FRMD4A: variants seen among roughly 807,000 people sequenced by gnomAD.
The protein encoded by FRMD4A is FERM domain-containing protein 4A.
In FRMD4A, 29 loss-of-function variants were observed where a neutral mutation model predicts 129.1. The observed-to-expected ratio is 0.22, with a 90% CI of 0.17 to 0.31. The LOEUF (loss-of-function observed/expected upper bound fraction) is 0.31, where lower values mean the gene tolerates loss of function less well. Ranked by LOEUF, FRMD4A falls within the 10% of genes least tolerant of loss-of-function variation. The pLI is 1.00. For missense variants in FRMD4A, 1,272 were observed against 1,375.8 expected, an observed-to-expected ratio of 0.92 and a Z score of 1.19; for synonymous variants, 634 against 571.6, an observed-to-expected ratio of 1.11 and a Z score of -1.56.
chr10:14,021,999 A>T (rs1832780799), intron 2 of FRMD4A, among the ~76,000 whole-genome samples: 2 of 152,170 alleles, frequency 1.3e-5, no homozygotes, highest in Non-Finnish European at 2.9e-5. Context: ...TTTTACAATA[A>T]CAGTAAAAAT....
intron 12 of FRMD4A, among the ~76,000 whole-genome samples, chr10:13,735,021 G>A (rs2090553676): frequency 6.6e-6 from 1 of 152,136 alleles, no homozygotes; most frequent in African/African-American, 2.4e-5. Context: ...TTACAGGCAT[G>A]TGCCACCATG....
chr10:13,849,726 G>A (rs890909850), intron 3 of FRMD4A, among the ~76,000 whole-genome samples: 9 of 150,154 alleles, frequency 6.0e-5, no homozygotes, highest in African/African-American at 1.2e-4. Context: ...TGACCCACCC[G>A]CCTCGGCCTC....
At position 13,892,488 on chromosome 10, in the gene FRMD4A, ACT is replaced by A. The variant is rs1206107584; in HGVS notation, c.46-33578_46-33577del. Among the ~76,000 whole-genome samples, 3 of 152,234 alleles carry A rather than the reference ACT, an allele frequency of 2.0e-5. No individual in the cohort carries two copies. In the East Asian group the frequency reaches 5.8e-4, roughly 29 times the overall value. Reference sequence around the variant, plus strand: ...TTGTCTTTCCAAAAAAGAGAAACAAACTCTGGGAAGATTCCCCACCAAGAACA... The same window carrying A: ...TTGTCTTTCCAAAAAAGAGAAACAAACTGGGAAGATTCCCCACCAAGAACA... On this transcript the variant is annotated intron_variant, in intron 2 of 24. Transcript: ENST00000357447.
chr10:13,647,154 C>G (rs1241730312), intron 24 of FRMD4A, 119 bp from the exon 25 acceptor site: 1 of 158,190 alleles, frequency 6.3e-6, no homozygotes, highest in African/African-American at 2.4e-5. Flanking sequence ...AATCACGAGT[C>G]TTTCCTGTTC....
At chr10:13,940,215 T>C (rs928913164) in intron 2 of FRMD4A, among the ~76,000 whole-genome samples, 1 of 152,058 alleles carries the variant, frequency 6.6e-6, no homozygotes, top group Non-Finnish European at 1.5e-5. Flanking sequence ...CAGAGCAGCG[T>C]CAACTGAGGC....
At chr10:14,141,135 A>G (rs1839814049) in intron 2 of FRMD4A, among the ~76,000 whole-genome samples, 1 of 152,116 alleles carries the variant, frequency 6.6e-6, no homozygotes, top group African/African-American at 2.4e-5. Flanking sequence ...TCAGCGTCAG[A>G]GGCAGTAGCA....
Position 14,319,288 on chromosome 10 carries a change from C to T in FRMD4A, c.45+10770G>A, listed in dbSNP as rs912006674. On this transcript the variant is annotated intron_variant, in intron 2 of 24. Transcript: ENST00000357447. ...GTGTAACAAAATACTGAATTTTGTA[C>T]AAAAATTACAAAGTGTGGGATAGTT... Among the ~76,000 whole-genome samples, 55 of 150,056 alleles carry T rather than the reference C, an allele frequency of 3.7e-4. 1 individual carries two copies. The Admixed American group carries it at 3.7e-3, about 10-fold the overall frequency.
intron 2 of FRMD4A, among the ~76,000 whole-genome samples, chr10:14,153,748 G>C (rs1378878837): frequency 6.6e-6 from 1 of 152,168 alleles, no homozygotes; most frequent in Non-Finnish European, 1.5e-5. Context: ...CTGGCCAATC[G>C]CCTTTGGCAC....
At chr10:14,137,006 A>T (rs1304195237) in intron 2 of FRMD4A, among the ~76,000 whole-genome samples, 1 of 152,230 alleles carries the variant, frequency 6.6e-6, no homozygotes, top group African/African-American at 2.4e-5. Context: ...CATATCACTC[A>T]CCTGCTCCCC....
At position 13,714,059 on chromosome 10, in the gene FRMD4A, T is replaced by TAA. The variant is rs1554859104; in HGVS notation, c.760-6948_760-6947dup. ...ATATATATATATATATATATATATA[T>TAA]AAAATATACTTTTTTTTTGAGACAC... On this transcript the variant is annotated intron_variant, in intron 12 of 24. Coordinates refer to ENST00000357447, the MANE Select transcript of FRMD4A (RefSeq NM_018027.5). 1.2e-4 allele frequency among the ~76,000 whole-genome samples: 12 copies of TAA among 101,302 alleles called. 3 individuals carry two copies. Among genetic ancestry groups the TAA allele is most frequent in the South Asian group, 5.6e-4 (2 of 3,552 alleles). 66.5% of individuals were successfully genotyped at this position (101,302 alleles called of 152,430 possible).
intron 2 of FRMD4A, among the ~76,000 whole-genome samples, chr10:14,261,941 A>C (rs1263329428): frequency 5.1e-4 from 66 of 128,294 alleles, no homozygotes; most frequent in South Asian, 8.3e-4. Context: ...CACCACACCA[A>C]ACACACACAC....
chr10:13,775,734 A>G (rs1017252669), intron 6 of FRMD4A, among the ~76,000 whole-genome samples: 1 of 152,198 alleles, frequency 6.6e-6, no homozygotes, highest in Non-Finnish European at 1.5e-5. Context: ...GGAGGAGTCT[A>G]AGAGGGAGGT....
chr10:14,219,140 G>C (rs531944244), intron 2 of FRMD4A, among the ~76,000 whole-genome samples: 1 of 152,060 alleles, frequency 6.6e-6, no homozygotes, highest in East Asian at 1.9e-4. Flanking sequence ...TTGACAAAGA[G>C]AGATGGAAAC....
chr10:13,862,336 T>C (rs963985204), intron 2 of FRMD4A, among the ~76,000 whole-genome samples: 18 of 152,174 alleles, frequency 1.2e-4, no homozygotes, highest in African/African-American at 4.3e-4. Context: ...ATCGCAGTAA[T>C]AAAGAAGATG....
intron 4 of FRMD4A, among the ~76,000 whole-genome samples, chr10:13,809,810 C>A (rs1246964984): frequency 6.6e-6 from 1 of 152,210 alleles, no homozygotes; most frequent in Admixed American, 6.5e-5. Flanking sequence ...AACGACACCC[C>A]CTTTTGTTCA....
intron 2 of FRMD4A, among the ~76,000 whole-genome samples, chr10:14,127,863 C>A (rs991562368): frequency 2.0e-5 from 3 of 152,090 alleles, no homozygotes; most frequent in Admixed American, 2.0e-4. Context: ...TTATCCCCAG[C>A]CTCTTTTATG....
At chr10:13,865,449 T>TTTTATTTTA (rs972654372) in intron 2 of FRMD4A, among the ~76,000 whole-genome samples, 15 of 146,484 alleles carry the variant, frequency 1.0e-4, no homozygotes, top group African/African-American at 3.9e-4. Context: ...TTTTATTTTA[T>TTTTATTTTA]TTTATTTTAT....
intron 8 of FRMD4A, among the ~76,000 whole-genome samples, chr10:13,757,487 T>A (rs1045082624): frequency 6.6e-6 from 1 of 152,272 alleles, no homozygotes; most frequent in Non-Finnish European, 1.5e-5. Context: ...TCTATCTAGA[T>A]AACAGTCATT....
At chr10:13,723,285 T>C (rs1196455183) in intron 12 of FRMD4A, among the ~76,000 whole-genome samples, 1 of 152,252 alleles carries the variant, frequency 6.6e-6, no homozygotes, top group East Asian at 1.9e-4. Context: ...TTTGATATCA[T>C]GGAATAATTA....
Sources: allele counts gnomAD v4.1 joint callset (sites outside exome capture counted in the v4.1 genomes callset), GRCh38; gene constraint gnomAD v4.1.1; transcripts MANE v1.5; gene names NCBI Gene and HGNC (gene_info 2026-07-23, HGNC 2026-07-21).